The following SLC52A3 variants were observed in gnomAD, a reference collection of about 807,000 sequenced individuals.
SLC52A3 encodes the protein solute carrier family 52, riboflavin transporter, member 3.
A neutral mutation model predicts 29.5 loss-of-function variants in SLC52A3; 20 were observed. That is an observed-to-expected ratio of 0.68 (90% CI 0.48 to 0.99). SLC52A3 has a LOEUF of 0.99. Among genes scored for constraint, SLC52A3 ranks in the 50% least tolerant of loss-of-function variants. SLC52A3 has a pLI of 0.00. For missense variants in SLC52A3, 548 were observed against 612.9 expected, an observed-to-expected ratio of 0.89 and a Z score of 1.12; for synonymous variants, 301 against 271.0, an observed-to-expected ratio of 1.11 and a Z score of -1.09.
rs1443344401 is a variant in SLC52A3, at chr20:763,884, G to A, written c.687C>T (p.Ile229=). The A allele has an allele frequency of 6.2e-7, 1 of 1,614,194 alleles. No individual in the cohort carries two copies. Reference sequence around the variant, plus strand: ...ACGCCACGAGGCAGCAGGCCATCATGATGGATAGGAGGAGGAAGAAGACCA... The same window carrying A: ...ACGCCACGAGGCAGCAGGCCATCATAATGGATAGGAGGAGGAAGAAGACCA... ...SPLVFFLLLS[I]MMACCLVAFF... Residue 229 remains isoleucine, a synonymous_variant, in exon 3 of 5, where the codon ATC becomes ATT. Transcript: ENST00000645534.
chr20:770,189 C>T (rs894897367), upstream of SLC52A3, among the ~76,000 whole-genome samples: 2 of 147,024 alleles, frequency 1.4e-5, no homozygotes, highest in Admixed American at 1.4e-4. This position sits in a 1 kb window ranked among gnomAD's most constrained non-coding sequence, Gnocchi z 4.5. Context: ...CAGAGTCTTA[C>T]TGTGTAGCCC....
Position 763,657 on chromosome 20 carries a change from G to T in SLC52A3, c.914C>A (p.Thr305Asn), listed in dbSNP as rs201254395. The T allele has an allele frequency of 5.1e-5, 82 of 1,614,192 alleles. No individual in the cohort carries two copies. Among genetic ancestry groups the T allele is most frequent in the Non-Finnish European group, 6.6e-5 (78 of 1,180,030 alleles). ...CCPAHLAFIY[T>N]LVAFVNALTN... ...GAGCGCGTTGACGAAGGCCACCAGG[G>T]TATAGATGAAGGCCAGGTGCGCCGG... The change falls in exon 3 of 5, where the codon ACC becomes AAC. Residue 305 changes from threonine (T) to asparagine (N), a missense_variant. Physicochemically the swap from Thr to Asn is moderately conservative, Grantham distance 65 (BLOSUM62 0). Coordinates refer to ENST00000645534, the MANE Select transcript of SLC52A3 (RefSeq NM_033409.4).
intron 4 of SLC52A3, 166 bp from the exon 5 acceptor site, chr20:761,404 G>T (rs992647771): frequency 2.4e-6 from 2 of 836,792 alleles, no homozygotes; most frequent in Admixed American, 2.9e-5. Flanking sequence ...TGAGTTGGCC[G>T]CCCGGGGGCG....
chr20:773,234 A>G (rs1986902246), upstream of SLC52A3, among the ~76,000 whole-genome samples: 1 of 152,158 alleles, frequency 6.6e-6, no homozygotes. Context: ...AACAATCACC[A>G]TGACAACAGT....
intron 4 of SLC52A3, 170 bp from the exon 5 acceptor site, chr20:761,408 G>A (rs1469745610): frequency 3.7e-6 from 3 of 820,334 alleles, no homozygotes; most frequent in African/African-American, 3.5e-5. Flanking sequence ...TTGGCCGCCC[G>A]GGGGCGAAGG....
Position 766,617 on chromosome 20 carries a change from C to A in SLC52A3, c.-51-792G>T, listed in dbSNP as rs138152337. Reference sequence around the variant, plus strand: ...ACCCCCACCCCTGCCCGCCAGGGAACAACCCCCTTTGACTGTAATTTTCCA... The same window carrying A: ...ACCCCCACCCCTGCCCGCCAGGGAAAAACCCCCTTTGACTGTAATTTTCCA... On this transcript the variant is annotated intron_variant, in intron 1 of 4. Transcript: ENST00000645534. 2.1e-3 allele frequency among the ~76,000 whole-genome samples: 321 copies of A among 152,068 alleles called. 2 individuals carry two copies. The highest frequency in any genetic ancestry group is 7.5e-3 in the African/African-American group (310 of 41,482).
At chr20:764,629 C>T (rs1233289591) in intron 2 of SLC52A3, among the ~76,000 whole-genome samples, 1 of 152,156 alleles carries the variant, frequency 6.6e-6, no homozygotes, top group African/African-American at 2.4e-5. Context: ...GAATATGCCA[C>T]CCCAAAATTG....
rs1986494775 is a variant in SLC52A3 at position 761,756 on chromosome 20, G to A, written c.1142C>T (p.Ala381Val). 1.3e-5 allele frequency: 21 copies of A among 1,613,994 alleles called. No individual in the cohort carries two copies. The highest frequency in any genetic ancestry group is 1.7e-5 in the Admixed American group (1 of 59,996). Reference sequence around the variant, plus strand: ...CAAGAGGGGGCAGGGGCTCATCACCGCCATGGCCATGTTGTAGCCCCCAAA... The same window carrying A: ...CAAGAGGGGGCAGGGGCTCATCACCACCATGGCCATGTTGTAGCCCCCAAA... ...TCFGGYNMAMAVMSPCPLLQG... is the reference protein window; with the variant it reads ...TCFGGYNMAMVVMSPCPLLQG... Residue 381 changes from alanine (A) to valine (V), a missense_variant, in exon 4 of 5, where the codon GCG (alanine) becomes GTG (valine). Ala to Val is a moderately conservative substitution (Grantham distance 64, BLOSUM62 0). This residue lies in a region of SLC52A3 where 173 missense variants were observed against 141.8 expected (regional missense o/e 1.22). Transcript: ENST00000645534.
rs267606683 is a variant in SLC52A3 at position 765,564 on chromosome 20, C to A, written c.211G>T (p.Glu71Ter). Residue 71 changes from glutamate (E) to a stop codon, truncating the protein, a stop_gained, in exon 2 of 5, where the codon GAA becomes TAA. Coordinates refer to ENST00000645534, the MANE Select transcript of SLC52A3 (RefSeq NM_033409.4). LOFTEE classifies it high-confidence loss of function. This position sits in a 1 kb window ranked among gnomAD's most constrained non-coding sequence, Gnocchi z 6.6. ...LHHFRPSCLS[E>*]VPIIFTLLGV... ...AGCAGGGTGAAGATGATGGGCACTT[C>A]GGAAAGGCAGCTGGGCCGGAAGTGA... is the stretch of plus-strand genomic sequence containing the variant. The A allele has an allele frequency of 6.3e-7, 1 of 1,579,282 alleles. No homozygotes were observed. The highest frequency in any genetic ancestry group is 8.6e-7 in the Non-Finnish European group (1 of 1,162,726).
At chr20:772,623 A>G (rs1426454484), upstream of SLC52A3, among the ~76,000 whole-genome samples, 5 of 144,936 alleles carry the variant, frequency 3.4e-5, no homozygotes, top group African/African-American at 7.6e-5. Context: ...TTGTTTGTTT[A>G]TTTTACAGTG....
At position 765,354 on chromosome 20, in the gene SLC52A3, A is replaced by T. The variant is rs773350331; in HGVS notation, c.421T>A (p.Phe141Ile). ...CCGCTGAGTCCTTCACCCACAAAGA[A>T]GGTGGTGAGGTAGTAGGTGGGCAGC... is the stretch of plus-strand genomic sequence containing the variant. ...SRLPTYYLTT[F>I]FVGEGLSGLL... The change falls in exon 2 of 5, where the codon TTC becomes ATC. Residue 141 changes from phenylalanine to isoleucine, a missense_variant. Coordinates refer to ENST00000645534, the MANE Select transcript of SLC52A3 (RefSeq NM_033409.4). The surrounding 1 kb of genome is among the most constrained non-coding windows in gnomAD (Gnocchi z 6.6). 1 of 1,614,090 alleles carries T rather than the reference A, an allele frequency of 6.2e-7. No individual in the cohort carries two copies. The highest frequency in any genetic ancestry group is 8.5e-7 in the Non-Finnish European group (1 of 1,180,034).
intron 1 of SLC52A3, 122 bp downstream of exon 1, chr20:768,175 T>C (rs886157534): frequency 6.6e-6 from 1 of 152,220 alleles, no homozygotes; most frequent in Non-Finnish European, 1.5e-5. Flanking sequence ...TACTGATCAT[T>C]ATCGTGAAAT....
chr20:761,215 G>C lies in SLC52A3; in HGVS notation c.1221C>G (p.Ser407Arg). 1 of 1,554,874 alleles carries C rather than the reference G, an allele frequency of 6.4e-7. No individual in the cohort carries two copies. Among genetic ancestry groups the C allele is most frequent in the Non-Finnish European group, 8.7e-7 (1 of 1,150,152 alleles). ...TCACCTTGACGTAACTGAGGCAGCCGCTGAAAAGCACCCACGAGGCCACCT... is the reference window on the plus strand; with the variant it reads ...TCACCTTGACGTAACTGAGGCAGCCCCTGAAAAGCACCCACGAGGCCACCT... Reference protein sequence around the residue: ...VLIVASWVLFSGCLSYVKVML... With the variant: ...VLIVASWVLFRGCLSYVKVML... Residue 407 changes from serine to arginine, a missense_variant, in exon 5 of 5, where the codon AGC becomes AGG. By Grantham distance (110) the Ser-to-Arg change is moderately radical (BLOSUM62 -1). Coordinates refer to ENST00000645534, the MANE Select transcript of SLC52A3 (RefSeq NM_033409.4).
intron 4 of SLC52A3, 34 bp from the exon 5 acceptor site, chr20:761,272 C>A (rs1451158007): frequency 6.6e-7 from 1 of 1,524,994 alleles, no homozygotes; most frequent in Admixed American, 2.0e-5. Context: ...TGCAGAGTCA[C>A]GGGGCTTGCG....
Position 765,756 on chromosome 20 carries a change from G to C in SLC52A3, c.19C>G (p.Leu7Val). The C allele has an allele frequency of 1.9e-6, 3 of 1,606,018 alleles. No homozygotes were observed. Among genetic ancestry groups the C allele is most frequent in the African/African-American group, 2.8e-5 (2 of 71,736 alleles). ...CCCATTCCGAAGACGCAGACCAGCA[G>C]GTGCATCAGGAAGGCCATGGCGGTA... MAFLMH[L>V]LVCVFGMGSW... Residue 7 changes from leucine (L) to valine (V), a missense_variant, in exon 2 of 5, where the codon CTG becomes GTG. Around this residue, in one of 2 missense-constraint regions of SLC52A3, gnomAD observed 375 missense variants for 471.1 expected, o/e 0.80. Coordinates refer to ENST00000645534, the MANE Select transcript of SLC52A3 (RefSeq NM_033409.4). The surrounding 1 kb of genome is among the most constrained non-coding windows in gnomAD (Gnocchi z 6.6).
chr20:761,135 G>A lies in SLC52A3; in HGVS notation c.1301C>T (p.Ala434Val), dbSNP rs752924421. Reference sequence around the variant, plus strand: ...GAGCAGCGAGCCCAGCTGCACCGCCGCCCCGCACCACAAGAGGGCGCTGCG... The same window carrying A: ...GAGCAGCGAGCCCAGCTGCACCGCCACCCCGCACCACAAGAGGGCGCTGCG... ...LSRSALLWCGAAVQLGSLLGA... is the reference protein window; with the variant it reads ...LSRSALLWCGVAVQLGSLLGA... The change falls in exon 5 of 5, where the codon GCG (alanine) becomes GTG (valine). Residue 434 changes from alanine (A) to valine (V), a missense_variant. Transcript: ENST00000645534. 22 of 1,592,978 alleles carry A rather than the reference G, an allele frequency of 1.4e-5. No homozygotes were observed. The Admixed American group carries it at 2.6e-4, about 19-fold the overall frequency.
Position 765,638 on chromosome 20 carries a change from A to C in SLC52A3, c.137T>G (p.Val46Gly), listed in dbSNP as rs1986659493. 6.2e-7 allele frequency: 1 copy of C among 1,609,564 alleles called. No individual in the cohort carries two copies. The highest frequency in any genetic ancestry group is 8.5e-7 in the Non-Finnish European group (1 of 1,178,512). Residue 46 changes from valine to glycine, a missense_variant, in exon 2 of 5, where the codon GTG becomes GGG. Val to Gly is a moderately radical substitution (Grantham distance 109). Around this residue, in one of 2 missense-constraint regions of SLC52A3, gnomAD observed 375 missense variants for 471.1 expected, o/e 0.80. Transcript: ENST00000645534. This position sits in a 1 kb window ranked among gnomAD's most constrained non-coding sequence, Gnocchi z 6.6. ...EGWYLPSYLT[V>G]VIQLANIGPL... ...CCCGATGTTGGCCAGCTGGATGACC[A>C]CCGTGAGGTAGGAGGGCAGGTACCA... is the stretch of plus-strand genomic sequence containing the variant.
At chr20:762,914 A>G (rs1430941680) in intron 3 of SLC52A3, among the ~76,000 whole-genome samples, 1 of 152,228 alleles carries the variant, frequency 6.6e-6, no homozygotes, top group East Asian at 1.9e-4. Flanking sequence ...CCCCTGCCTC[A>G]GAACCGTCTG....
At chr20:775,221 C>T (rs959404562) in intron 1 of SLC52A3, among the ~76,000 whole-genome samples, 2 of 151,874 alleles carry the variant, frequency 1.3e-5, no homozygotes, top group Admixed American at 6.6e-5. Flanking sequence ...CAAGTTGTTC[C>T]GAGATAGCAT....
Sources: allele counts gnomAD v4.1 joint callset (sites outside exome capture counted in the v4.1 genomes callset), GRCh38; gene constraint gnomAD v4.1.1; regional missense constraint gnomAD v4.1.1; non-coding constraint Gnocchi (gnomAD v3.1); transcripts MANE v1.5; gene names NCBI Gene and HGNC (gene_info 2026-07-23, HGNC 2026-07-21).